The following CATSPERB variants were observed in gnomAD, a reference collection of about 807,000 sequenced individuals.
CATSPERB encodes catsper channel auxiliary subunit beta.
Under a neutral mutation model 128.3 loss-of-function variants are expected in CATSPERB, and 93 were observed. The observed-to-expected ratio is 0.72, with a 90% CI of 0.61 to 0.86. The LOEUF (loss-of-function observed/expected upper bound fraction) is 0.86, where lower values mean the gene tolerates loss of function less well. Among genes scored for constraint, CATSPERB ranks in the 40% least tolerant of loss-of-function variants. The pLI, the probability that CATSPERB is intolerant of heterozygous loss-of-function variation, is 0.00. For synonymous variants in CATSPERB, 381 were observed against 448.8 expected (o/e 0.85, Z 1.91); for missense variants, 1,153 against 1,329.5 (o/e 0.87, Z 2.06).
chr14:91,684,072 G>C, intron 10 of CATSPERB, 129 bp from the exon 11 acceptor site: 1 of 578,704 alleles, frequency 1.7e-6, no homozygotes, highest in Non-Finnish European at 3.0e-6. Context: ...GACAAAAATT[G>C]TATGCAAATA....
intron 5 of CATSPERB, 133 bp from the exon 6 acceptor site, chr14:91,708,369 A>AAATTT (rs1895772649): frequency 3.3e-6 from 2 of 605,352 alleles, no homozygotes; most frequent in Non-Finnish European, 5.7e-6. Context: ...TTTATATGTG[A>AAATTT]AATTTCATAC....
rs113035053 is a variant in CATSPERB, at chr14:91,703,686, T to C, written c.616+866A>G. Among the ~76,000 whole-genome samples, 764 of 152,350 alleles carry C rather than the reference T, an allele frequency of 5.0e-3. 11 individuals are homozygous for C. The highest frequency in any genetic ancestry group is 0.017 in the African/African-American group (716 of 41,586). On this transcript the variant is annotated intron_variant, in intron 7 of 26. Coordinates refer to ENST00000256343, the MANE Select transcript of CATSPERB (RefSeq NM_024764.4). Reference sequence around the variant, plus strand: ...AAAACACATCTACATACCAGGGGTGTGGCGTGTCACAACTCCACGGGGACA... The same window carrying C: ...AAAACACATCTACATACCAGGGGTGCGGCGTGTCACAACTCCACGGGGACA...
At chr14:91,581,519 G>T (rs183860948) in intron 26 of CATSPERB, among the ~76,000 whole-genome samples, 4 of 152,340 alleles carry the variant, frequency 2.6e-5, no homozygotes, top group African/African-American at 9.6e-5. Context: ...CAGAAGAGAA[G>T]GAGATAAAGG....
chr14:91,691,434 T>C (rs962184198), intron 10 of CATSPERB, 89 bp downstream of exon 10: 5 of 759,950 alleles, frequency 6.6e-6, no homozygotes, highest in Middle Eastern at 2.5e-4. Flanking sequence ...GAATAACTTA[T>C]ATTGTGAATT....
intron 6 of CATSPERB, 72 bp from the exon 7 acceptor site, chr14:91,704,773 G>T: frequency 6.9e-7 from 1 of 1,458,714 alleles, no homozygotes; most frequent in South Asian, 1.3e-5. Flanking sequence ...TCCTTTAAAG[G>T]TTTTAAAAGA....
At chr14:91,617,553 T>G (rs1186897210) in intron 20 of CATSPERB, 44 bp downstream of exon 20, 5 of 1,509,070 alleles carry the variant, frequency 3.3e-6, no homozygotes, top group Admixed American at 4.8e-5. Flanking sequence ...TTCAGAAAAT[T>G]TTTTCATCAG....
In CATSPERB at chr14:91,720,328, C is replaced by G. The variant is rs566299464; in HGVS notation, c.310-850G>C. 2.0e-5 allele frequency among the ~76,000 whole-genome samples: 3 copies of G among 151,026 alleles called. No homozygotes were observed. In the East Asian group the frequency reaches 5.8e-4, roughly 29 times the overall value. Reference sequence around the variant, plus strand: ...AAATTTTATATTTGACAAAACTATGCTTCAAAATTTCAGTTGACCACTAAA... The same window carrying G: ...AAATTTTATATTTGACAAAACTATGGTTCAAAATTTCAGTTGACCACTAAA... On this transcript the variant is annotated intron_variant, in intron 4 of 26. Coordinates refer to ENST00000256343, the MANE Select transcript of CATSPERB (RefSeq NM_024764.4).
At chr14:91,635,177 A>T (rs1894349675) in intron 17 of CATSPERB, among the ~76,000 whole-genome samples, 1 of 151,750 alleles carries the variant, frequency 6.6e-6, no homozygotes. Context: ...AGTCCTCATG[A>T]CCTAGTCACC....
Position 91,664,450 on chromosome 14 carries a change from G to A in CATSPERB, c.1288-4469C>T, listed in dbSNP as rs187370442. Among the ~76,000 whole-genome samples, 10 of 151,942 alleles carry A rather than the reference G, an allele frequency of 6.6e-5. No individual in the cohort carries two copies. In the East Asian group the frequency reaches 1.7e-3, roughly 27 times the overall value. ...CCAGCTAATTTTTGTATTTTTAGTAGAGACAGGGTTTCACCATGTTAGCCA... is the reference window on the plus strand; with the variant it reads ...CCAGCTAATTTTTGTATTTTTAGTAAAGACAGGGTTTCACCATGTTAGCCA... On this transcript the variant is annotated intron_variant, in intron 14 of 26. Transcript: ENST00000256343.
intron 6 of CATSPERB, among the ~76,000 whole-genome samples, chr14:91,705,346 G>T (rs1895717435): frequency 6.6e-6 from 1 of 152,170 alleles, no homozygotes; most frequent in Admixed American, 6.5e-5. Context: ...AGATGAAAAT[G>T]AGTAAAATCC....
At chr14:91,598,086 T>C (rs2139765761) in intron 22 of CATSPERB, among the ~76,000 whole-genome samples, 1 of 151,996 alleles carries the variant, frequency 6.6e-6, no homozygotes, top group South Asian at 2.1e-4. Context: ...ATTCCCTCCT[T>C]TTTAAACAAC....
chr14:91,649,329 A>ATG (rs1399620346), intron 15 of CATSPERB, among the ~76,000 whole-genome samples: 45 of 42,446 alleles, frequency 1.1e-3, no homozygotes, highest in African/African-American at 4.1e-3. Context: ...ATGTATACAT[A>ATG]TATGTGTGTG....
chr14:91,698,928 T>C (rs1261953705), intron 7 of CATSPERB, among the ~76,000 whole-genome samples: 2 of 152,194 alleles, frequency 1.3e-5, no homozygotes, highest in Admixed American at 6.5e-5. Flanking sequence ...ATAGCTTAGC[T>C]CCCACTTATA....
At chr14:91,657,845 C>A (rs1894812404) in intron 15 of CATSPERB, among the ~76,000 whole-genome samples, 1 of 152,028 alleles carries the variant, frequency 6.6e-6, no homozygotes, top group African/African-American at 2.4e-5. Context: ...GTTAAAATAG[C>A]TTTTATCGAA....
At chr14:91,726,723 G>A (rs1158136631) in intron 2 of CATSPERB, among the ~76,000 whole-genome samples, 1 of 152,160 alleles carries the variant, frequency 6.6e-6, no homozygotes, top group Non-Finnish European at 1.5e-5. Flanking sequence ...GAGGGGAAGG[G>A]GCTATGAAGG....
chr14:91,622,646 C>T (rs1191523117), intron 18 of CATSPERB, among the ~76,000 whole-genome samples: 1 of 152,136 alleles, frequency 6.6e-6, no homozygotes, highest in East Asian at 1.9e-4. Context: ...CAGAAGAGGG[C>T]TTCATCATTG....
chr14:91,598,188 C>T (rs936311699), intron 22 of CATSPERB, among the ~76,000 whole-genome samples: 2 of 151,500 alleles, frequency 1.3e-5, no homozygotes, highest in Admixed American at 6.6e-5. Context: ...AAAAATAAAA[C>T]CTCTTTATTT....
intron 22 of CATSPERB, among the ~76,000 whole-genome samples, chr14:91,592,706 T>A (rs1041782947): frequency 2.6e-5 from 4 of 151,676 alleles, no homozygotes; most frequent in African/African-American, 9.7e-5. Context: ...TGGTAGAGAG[T>A]CTATCCTGAC....
At chr14:91,720,478 T>C (rs140881839) in intron 4 of CATSPERB, among the ~76,000 whole-genome samples, 2 of 151,414 alleles carry the variant, frequency 1.3e-5, no homozygotes, top group Admixed American at 1.3e-4. Context: ...AAGAAAGCAA[T>C]TCCCTTTAAA....
Sources: allele counts gnomAD v4.1 joint callset (sites outside exome capture counted in the v4.1 genomes callset), GRCh38; gene constraint gnomAD v4.1.1; transcripts MANE v1.5; gene names NCBI Gene and HGNC (gene_info 2026-07-23, HGNC 2026-07-21).